The following C19orf38 variants were observed in gnomAD, a reference collection of about 807,000 sequenced individuals.
C19orf38 encodes protein HIDE1.
Under a neutral mutation model 26.6 loss-of-function variants are expected in C19orf38, and 14 were observed. The ratio of observed to expected loss-of-function variants is 0.53; its 90% CI spans 0.35 to 0.82. The LOEUF is 0.82. C19orf38 is among the 40% of genes least tolerant of loss of function. The pLI, the probability that C19orf38 is intolerant of heterozygous loss-of-function variation, is 0.01. For synonymous variants in C19orf38, 132 were observed against 128.5 expected, an observed-to-expected ratio of 1.03 and a Z score of -0.18; for missense variants, 261 against 299.5, an observed-to-expected ratio of 0.87 and a Z score of 0.95.
chr19:10,863,913 A>AAAAC (rs537664952), intron 6 of C19orf38, among the ~76,000 whole-genome samples: 7 of 152,070 alleles, frequency 4.6e-5, no homozygotes, highest in African/African-American at 1.4e-4. Flanking sequence ...AACTCCATCT[A>AAAAC]AAACAAACAA....
At chr19:10,839,813 C>T (rs1280610411) in intron 1 of C19orf38, among the ~76,000 whole-genome samples, 1 of 151,372 alleles carries the variant, frequency 6.6e-6, no homozygotes, top group Non-Finnish European at 1.5e-5. Flanking sequence ...ACCGCACCCT[C>T]CACTTCCCGA....
chr19:10,857,763 C>G (rs988089837), intron 3 of C19orf38, among the ~76,000 whole-genome samples: 1 of 151,434 alleles, frequency 6.6e-6, no homozygotes, highest in Non-Finnish European at 1.5e-5. Context: ...CACCTGTAGT[C>G]CCAGCTACAT....
chr19:10,859,503 C>G (rs1042536105), intron 4 of C19orf38, among the ~76,000 whole-genome samples: 9 of 150,656 alleles, frequency 6.0e-5, no homozygotes, highest in Non-Finnish European at 1.3e-4. Context: ...CTGCCTCAGA[C>G]TCCTGAGTAG....
chr19:10,866,485 C>T (rs893296462), intron 6 of C19orf38, among the ~76,000 whole-genome samples: 1 of 150,720 alleles, frequency 6.6e-6, no homozygotes, highest in Non-Finnish European at 1.5e-5. Flanking sequence ...GGATTACAGG[C>T]GTGAGCCACC....
At chr19:10,863,314 G>A (rs1414493624) in intron 6 of C19orf38, 107 bp downstream of exon 6, 2 of 1,264,916 alleles carry the variant, frequency 1.6e-6, no homozygotes, top group African/African-American at 1.5e-5. Context: ...CTGTCTCTAA[G>A]CTGCGGGGGG....
intron 4 of C19orf38, 116 bp downstream of exon 4, chr19:10,858,459 T>A: frequency 3.0e-6 from 3 of 996,630 alleles, no homozygotes; most frequent in Non-Finnish European, 3.0e-6. Context: ...GCATGCTGCG[T>A]AATAGGAACA....
At chr19:10,853,918 T>TTA (rs1568335245) in intron 2 of C19orf38, among the ~76,000 whole-genome samples, 1 of 149,318 alleles carries the variant, frequency 6.7e-6, no homozygotes, top group African/African-American at 2.5e-5. Flanking sequence ...TTTTTTTTTT[T>TTA]AATTAGGAGG....
intron 2 of C19orf38, among the ~76,000 whole-genome samples, 162 bp downstream of exon 2, chr19:10,850,729 G>A (rs1299590353): frequency 6.6e-6 from 1 of 152,186 alleles, no homozygotes; most frequent in Admixed American, 6.5e-5. Flanking sequence ...CAGCCCAAAA[G>A]GGGATTTGTT....
intron 1 of C19orf38, chr19:10,842,386 G>A (rs978259658): frequency 2.7e-5 from 14 of 521,598 alleles, no homozygotes; most frequent in African/African-American, 9.6e-5. Context: ...TCAGCCTCCC[G>A]AGTAGCTGGG....
chr19:10,855,189 C>T (rs2073611592), intron 2 of C19orf38, among the ~76,000 whole-genome samples: 1 of 151,884 alleles, frequency 6.6e-6, no homozygotes, highest in African/African-American at 2.4e-5. Context: ...AGGCACGTAA[C>T]ACCTGGCTAA....
chr19:10,845,109 A>G (rs1274496541), upstream of C19orf38, among the ~76,000 whole-genome samples: 1 of 151,500 alleles, frequency 6.6e-6, no homozygotes, highest in African/African-American at 2.4e-5. Context: ...GTGAGCCATG[A>G]TTATACCACT....
chr19:10,850,027 C>G (rs139732759), intron 1 of C19orf38, among the ~76,000 whole-genome samples: 5 of 152,224 alleles, frequency 3.3e-5, no homozygotes, highest in Non-Finnish European at 7.4e-5. Flanking sequence ...CCACTACATT[C>G]CATCCTGGGT....
chr19:10,857,339 C>CATACATATATAT (rs1555721097), intron 3 of C19orf38, among the ~76,000 whole-genome samples: 1 of 54,028 alleles, frequency 1.9e-5, no homozygotes, highest in East Asian at 6.5e-4. Flanking sequence ...CACACACATA[C>CATACATATATAT]ATATATATAT....
At chr19:10,846,524 A>T (rs1174616058), upstream of C19orf38, among the ~76,000 whole-genome samples, 2 of 152,188 alleles carry the variant, frequency 1.3e-5, no homozygotes, top group Non-Finnish European at 1.5e-5. Flanking sequence ...AAAGAAAAGA[A>T]TAAAGTCAAG....
At chr19:10,838,923 T>A (rs2073458402) in intron 1 of C19orf38, among the ~76,000 whole-genome samples, 1 of 151,666 alleles carries the variant, frequency 6.6e-6, no homozygotes, top group Admixed American at 6.6e-5. Context: ...TTTTTTTCTT[T>A]TTTTTTTTTG....
At chr19:10,842,611 C>T (rs2073486569) in intron 1 of C19orf38, among the ~76,000 whole-genome samples, 1 of 152,116 alleles carries the variant, frequency 6.6e-6, no homozygotes, top group African/African-American at 2.4e-5. Context: ...GTGGCACACG[C>T]CTGTAGTCCC....
chr19:10,856,317 C>A lies in C19orf38; in HGVS notation c.393C>A (p.Leu131=). The A allele has an allele frequency of 6.4e-7, 1 of 1,551,352 alleles. No individual in the cohort carries two copies. Among genetic ancestry groups the A allele is most frequent in the Non-Finnish European group, 8.7e-7 (1 of 1,146,748 alleles). The part of the protein sequence containing the change: ...LSLSLAGALF[L]LAGLVAVALV... ...TGAGCCTGGCTGGTGCCCTCTTCCT[C>A]CTTGCTGGGCTGGTGGCTGTTGCCC... Residue 131 remains leucine (L), a synonymous_variant, in exon 3 of 7, where the codon CTC becomes CTA. Coordinates refer to ENST00000397820, the MANE Select transcript of C19orf38 (RefSeq NM_001136482.3).
At chr19:10,838,586 G>C (rs192203632) in intron 1 of C19orf38, among the ~76,000 whole-genome samples, 1 of 152,024 alleles carries the variant, frequency 6.6e-6, no homozygotes, top group Non-Finnish European at 1.5e-5. Context: ...TAACACCCGG[G>C]GTCGTTGTCT....
In C19orf38 at chr19:10,848,463, G is replaced by A. The variant is rs777610978; in HGVS notation, c.-46G>A. 1 of 1,549,806 alleles carries A rather than the reference G, an allele frequency of 6.5e-7. No homozygotes were observed. On this transcript the variant is annotated 5_prime_UTR_variant, in exon 1 of 7. Transcript: ENST00000397820. ...CAGGAGGAGTTGGCGGGGAGCCTTG[G>A]GCCCCTCTGGCCTCAGCCGGATTTC...
Sources: allele counts gnomAD v4.1 joint callset (sites outside exome capture counted in the v4.1 genomes callset), GRCh38; gene constraint gnomAD v4.1.1; transcripts MANE v1.5; gene names NCBI Gene and HGNC (gene_info 2026-07-23, HGNC 2026-07-21).